Variants in EYA2 observed in about 807,000 individuals in gnomAD.
The protein encoded by EYA2 is protein phosphatase EYA2.
In EYA2, 31 loss-of-function variants were observed where a neutral mutation model predicts 69.2. That is an observed-to-expected ratio of 0.45 (90% CI 0.34 to 0.60). The LOEUF (loss-of-function observed/expected upper bound fraction) is 0.60, where lower values mean the gene tolerates loss of function less well. Ranked by LOEUF, EYA2 falls within the 20% of genes least tolerant of loss-of-function variation. The pLI is 0.02. For missense variants in EYA2, 622 were observed against 701.2 expected, an observed-to-expected ratio of 0.89 and a Z score of 1.28; for synonymous variants, 257 against 279.4, an observed-to-expected ratio of 0.92 and a Z score of 0.80.
At chr20:47,169,022 G>C in intron 10 of EYA2, 117 bp from the exon 11 acceptor site, 1 of 854,538 alleles carries the variant, frequency 1.2e-6, no homozygotes, top group Admixed American at 1.8e-5. Flanking sequence ...CGAGCCTGAT[G>C]ACTCCCAGTG....
At chr20:47,062,333 A>G (rs1014935713) in intron 5 of EYA2, among the ~76,000 whole-genome samples, 6 of 152,190 alleles carry the variant, frequency 3.9e-5, no homozygotes, top group Admixed American at 1.3e-4. Flanking sequence ...ACCATGTAAA[A>G]TGGGATCTGG....
At chr20:46,965,170 A>G (rs1042231164) in intron 1 of EYA2, among the ~76,000 whole-genome samples, 1 of 152,150 alleles carries the variant, frequency 6.6e-6, no homozygotes, top group African/African-American at 2.4e-5. Context: ...CTTAGAACTG[A>G]GCCCGACCTT....
chr20:46,902,430 A>G (rs1477238084), intron 1 of EYA2, among the ~76,000 whole-genome samples: 1 of 152,178 alleles, frequency 6.6e-6, no homozygotes, highest in African/African-American at 2.4e-5. Context: ...ACGTGCTGTT[A>G]TTATTATTTC....
chr20:47,075,637 C>T (rs896677911), intron 7 of EYA2, among the ~76,000 whole-genome samples: 4 of 152,238 alleles, frequency 2.6e-5, no homozygotes, highest in Middle Eastern at 3.4e-3. Flanking sequence ...TCAAGTATAG[C>T]GACTCAGGGT....
chr20:46,959,978 C>T (rs778321542), intron 1 of EYA2, among the ~76,000 whole-genome samples: 3 of 152,280 alleles, frequency 2.0e-5, no homozygotes, highest in East Asian at 1.9e-4. Flanking sequence ...CTTCTGAAAT[C>T]ACGAGAAGGG....
intron 10 of EYA2, among the ~76,000 whole-genome samples, chr20:47,144,517 C>T (rs1270640231): frequency 1.3e-5 from 2 of 152,166 alleles, no homozygotes; most frequent in African/African-American, 4.8e-5. Flanking sequence ...CAAATCCATC[C>T]TGGCTAGCCC....
intron 1 of EYA2, among the ~76,000 whole-genome samples, chr20:46,977,332 A>C (rs768926452): frequency 1.6e-4 from 25 of 152,270 alleles, no homozygotes; most frequent in Non-Finnish European, 2.9e-4. Context: ...TTTTAAAAGA[A>C]AAAGGGCCAT....
intron 9 of EYA2, among the ~76,000 whole-genome samples, chr20:47,115,025 T>C (rs372547957): frequency 6.6e-6 from 1 of 152,224 alleles, no homozygotes; most frequent in South Asian, 2.1e-4. Flanking sequence ...CTTTATAGAT[T>C]ACCCTGGCTC....
chr20:46,998,672 A>G (rs965066829), intron 2 of EYA2, among the ~76,000 whole-genome samples: 3 of 152,194 alleles, frequency 2.0e-5, no homozygotes, highest in African/African-American at 7.2e-5. Context: ...AGGATTATCA[A>G]TGAAGTCCAC....
intron 7 of EYA2, among the ~76,000 whole-genome samples, chr20:47,085,430 G>A (rs1180211344): frequency 2.0e-5 from 3 of 151,956 alleles, no homozygotes; most frequent in Non-Finnish European, 1.5e-5. Flanking sequence ...GGCGGATCAT[G>A]AGGTCAAGAG....
intron 14 of EYA2, among the ~76,000 whole-genome samples, chr20:47,181,663 G>A (rs565159632): frequency 1.6e-4 from 25 of 152,132 alleles, no homozygotes; most frequent in Admixed American, 3.9e-4. Context: ...ATGAGCCACC[G>A]TGCCAAAATA....
intron 10 of EYA2, among the ~76,000 whole-genome samples, chr20:47,156,123 CACACATATATATATATATATATAT>C (rs1355816101): frequency 1.1e-3 from 27 of 23,914 alleles, no homozygotes; most frequent in African/African-American, 7.8e-3. Flanking sequence ...CACACACACA[CACACATATATATATATATATATAT>C]ATATATATAT....
intron 9 of EYA2, among the ~76,000 whole-genome samples, chr20:47,140,801 T>C (rs1331648666): frequency 6.6e-6 from 1 of 152,204 alleles, no homozygotes; most frequent in Non-Finnish European, 1.5e-5. Context: ...TTATTTGACT[T>C]ATGATTCTGG....
chr20:46,989,070 A>G (rs1981476938), intron 1 of EYA2, among the ~76,000 whole-genome samples: 1 of 152,138 alleles, frequency 6.6e-6, no homozygotes, highest in Non-Finnish European at 1.5e-5. Flanking sequence ...TTAAAAAATG[A>G]GAAAGACCAA....
chr20:46,911,104 T>C (rs1368086358), intron 1 of EYA2, among the ~76,000 whole-genome samples: 1 of 152,204 alleles, frequency 6.6e-6, no homozygotes, highest in African/African-American at 2.4e-5. Flanking sequence ...TAGATCTCCA[T>C]TAGAAGTATG....
At chr20:47,095,703 G>C (rs575880668) in intron 8 of EYA2, 1 of 152,048 alleles carries the variant, frequency 6.6e-6, no homozygotes, top group Admixed American at 6.6e-5. Context: ...AAGATCTAGA[G>C]GATATTGTTT....
At chr20:47,004,845 T>A (rs748161344) in intron 3 of EYA2, 97 bp from the exon 4 acceptor site, 1 of 1,518,316 alleles carries the variant, frequency 6.6e-7, no homozygotes, top group Non-Finnish European at 9.1e-7. Flanking sequence ...CTGGAAAGAG[T>A]AGAACCCCAA....
chr20:47,120,985 T>C (rs2033030146), intron 9 of EYA2, among the ~76,000 whole-genome samples: 1 of 152,208 alleles, frequency 6.6e-6, no homozygotes, highest in Admixed American at 6.5e-5. Context: ...GCTAATTCTT[T>C]TGGAATATTT....
In EYA2 at chr20:47,188,227, A is replaced by T; in HGVS notation, c.*94A>T. 1 of 1,307,378 alleles carries T rather than the reference A, an allele frequency of 7.6e-7. No homozygotes were observed. The highest frequency in any genetic ancestry group is 1.1e-6 in the Non-Finnish European group (1 of 939,750). The allele number at this position is 1,307,378 out of a possible 1,614,324, so 81.0% of individuals were successfully genotyped here. On this transcript the variant is annotated 3_prime_UTR_variant, in exon 16 of 16. Transcript: ENST00000327619. ...AGAACTCCAGAGACCCAGATGTTGG[A>T]CACCAGGAAGGGGCCCCACAGCCGA...
Sources: allele counts gnomAD v4.1 joint callset (sites outside exome capture counted in the v4.1 genomes callset), GRCh38; gene constraint gnomAD v4.1.1; transcripts MANE v1.5; gene names NCBI Gene and HGNC (gene_info 2026-07-23, HGNC 2026-07-21).